Variants in ARHGAP24 observed in about 807,000 individuals in gnomAD.
ARHGAP24 encodes rho GTPase-activating protein 24.
Under a neutral mutation model 76.4 loss-of-function variants are expected in ARHGAP24, and 50 were observed. The observed-to-expected ratio is 0.65, with a 90% CI of 0.52 to 0.83. ARHGAP24 has a LOEUF of 0.83. Among genes scored for constraint, ARHGAP24 ranks in the 40% least tolerant of loss-of-function variants. ARHGAP24 has a pLI of 0.00. For missense variants in ARHGAP24, 930 were observed against 914.2 expected (o/e 1.02, Z -0.22); for synonymous variants, 345 against 323.3 (o/e 1.07, Z -0.72).
chr4:85,998,850 C>T (rs1338711433), intron 9 of ARHGAP24, among the ~76,000 whole-genome samples: 2 of 152,148 alleles, frequency 1.3e-5, no homozygotes, highest in African/African-American at 4.8e-5. Context: ...GAGGCCTCAC[C>T]TTCTGTCCCC....
intron 1 of ARHGAP24, among the ~76,000 whole-genome samples, chr4:85,554,500 T>G (rs1726271999): frequency 6.6e-6 from 1 of 152,142 alleles, no homozygotes; most frequent in Non-Finnish European, 1.5e-5. Flanking sequence ...TATTCTTTAT[T>G]TTTTATTTTT....
chr4:85,908,142 T>C (rs1734873016), intron 3 of ARHGAP24, among the ~76,000 whole-genome samples: 1 of 152,192 alleles, frequency 6.6e-6, no homozygotes, highest in Admixed American at 6.5e-5. Context: ...ACTTTGGGAC[T>C]ATTTGTCAAA....
chr4:85,676,145 C>T (rs1328200538), intron 2 of ARHGAP24, among the ~76,000 whole-genome samples: 1 of 152,084 alleles, frequency 6.6e-6, no homozygotes, highest in African/African-American at 2.4e-5. Context: ...ACAGAATGCT[C>T]TTGTGAACAA....
intron 3 of ARHGAP24, among the ~76,000 whole-genome samples, chr4:85,813,745 G>C (rs1729109860): frequency 6.7e-6 from 1 of 149,318 alleles, no homozygotes; most frequent in Non-Finnish European, 1.5e-5. Context: ...TGTAAATATT[G>C]TGAAATGATT....
chr4:85,702,213 G>GT (rs1353294541), intron 2 of ARHGAP24, among the ~76,000 whole-genome samples: 1 of 152,118 alleles, frequency 6.6e-6, no homozygotes, highest in Non-Finnish European at 1.5e-5. Flanking sequence ...AGGAAGAGTA[G>GT]TAACTTGAAA....
chr4:85,991,605 A>G (rs1187115941), intron 8 of ARHGAP24: 1 of 152,190 alleles, frequency 6.6e-6, no homozygotes, highest in East Asian at 1.9e-4. Flanking sequence ...ATGAAAGTCT[A>G]CATACTGTAT....
intron 2 of ARHGAP24, among the ~76,000 whole-genome samples, chr4:85,690,758 G>GT (rs57175662): frequency 0.31 from 40,173 of 130,566 alleles, 6,329 homozygotes; most frequent in African/African-American, 0.43. Flanking sequence ...TGTCAATCTT[G>GT]TTTTTTTTTT....
chr4:85,722,669 G>A (rs1436631355), intron 3 of ARHGAP24: 1 of 154,110 alleles, frequency 6.5e-6, no homozygotes, highest in Admixed American at 6.5e-5. Flanking sequence ...TTCCTCCAAG[G>A]CCATGTTGTC....
At chr4:85,826,833 T>G (rs10012380) in intron 3 of ARHGAP24, among the ~76,000 whole-genome samples, 14,290 of 151,974 alleles carry the variant, frequency 0.094, 971 homozygotes, top group East Asian at 0.38. Context: ...GTTAAAAAAA[T>G]TGTCTAAAGG....
intron 9 of ARHGAP24, chr4:86,000,080 C>CTTTTTT (rs35831725): frequency 1.2e-4 from 17 of 143,494 alleles, no homozygotes; most frequent in African/African-American, 2.4e-4. Context: ...TTATTGCCCT[C>CTTTTTT]TTTTTTTTTT....
intron 3 of ARHGAP24, among the ~76,000 whole-genome samples, chr4:85,832,495 G>T (rs927622941): frequency 6.6e-6 from 1 of 152,124 alleles, no homozygotes; most frequent in Non-Finnish European, 1.5e-5. Context: ...AAAATAAAAA[G>T]GCATGATTAA....
At chr4:85,494,692 A>T (rs550708112) in intron 1 of ARHGAP24, among the ~76,000 whole-genome samples, 123 of 152,042 alleles carry the variant, frequency 8.1e-4, no homozygotes, top group African/African-American at 2.7e-3. Flanking sequence ...AAAAAAAAAT[A>T]AAAAATAAAA....
chr4:85,709,943 A>G (rs1032848599), intron 2 of ARHGAP24, among the ~76,000 whole-genome samples: 4 of 152,206 alleles, frequency 2.6e-5, no homozygotes, highest in Non-Finnish European at 1.5e-5. Flanking sequence ...ATATTGCCCA[A>G]GTAAATTTAT....
chr4:85,889,616 CTATT>C (rs1455288075), intron 3 of ARHGAP24, among the ~76,000 whole-genome samples: 1 of 152,192 alleles, frequency 6.6e-6, no homozygotes, highest in Non-Finnish European at 1.5e-5. Flanking sequence ...CTTTCCACGA[CTATT>C]TAGCTGCTTG....
intron 2 of ARHGAP24, among the ~76,000 whole-genome samples, chr4:85,662,291 G>GT (rs1183095572): frequency 6.6e-6 from 1 of 151,872 alleles, no homozygotes; most frequent in East Asian, 1.9e-4. Flanking sequence ...TTTTTCATGT[G>GT]TTTTTTGGCT....
intron 9 of ARHGAP24, 54 bp from the exon 10 acceptor site, chr4:86,000,424 CT>C: frequency 2.6e-6 from 3 of 1,140,704 alleles, no homozygotes; most frequent in Non-Finnish European, 3.9e-6. Context: ...AATAAAATCA[CT>C]TTATCTCTTA....
intron 3 of ARHGAP24, among the ~76,000 whole-genome samples, chr4:85,787,880 C>T (rs934827672): frequency 2.1e-4 from 32 of 152,308 alleles, no homozygotes; most frequent in African/African-American, 6.7e-4. Context: ...ACCTGTAGAT[C>T]ACTTCCCATG....
At chr4:85,700,406 AATAAATAAATAAAG>A (rs1560591708) in intron 2 of ARHGAP24, among the ~76,000 whole-genome samples, 1 of 64,058 alleles carries the variant, frequency 1.6e-5, no homozygotes, top group Non-Finnish European at 4.9e-5. Flanking sequence ...AAAAAAAAAA[AATAAATAAATAAAG>A]AAGAAGAAGA....
chr4:85,813,818 T>TATA (rs1729116624), intron 3 of ARHGAP24, among the ~76,000 whole-genome samples: 5 of 137,160 alleles, frequency 3.6e-5, no homozygotes, highest in Non-Finnish European at 7.7e-5. Context: ...TATATTTATT[T>TATA]TATATATATA....
Sources: gnomAD v4.1 joint callset for allele counts (sites outside exome capture counted in the v4.1 genomes callset) on GRCh38, gnomAD v4.1.1 for gene constraint, MANE v1.5 for transcripts, NCBI Gene and HGNC (gene_info 2026-07-23, HGNC 2026-07-21) for gene names.